GALNT13: variants seen among roughly 807,000 people sequenced by gnomAD.
GALNT13 encodes UDP-GalNAc:polypeptide N-acetylgalactosaminyltransferase 13.
In GALNT13, 28 loss-of-function variants were observed where a neutral mutation model predicts 64.2. The ratio of observed to expected loss-of-function variants is 0.44; its 90% CI spans 0.32 to 0.60. The LOEUF (loss-of-function observed/expected upper bound fraction) is 0.60. Ranked by LOEUF, GALNT13 falls within the 20% of genes least tolerant of loss-of-function variation. GALNT13 has a pLI of 0.05. For synonymous variants in GALNT13, 214 were observed against 224.6 expected (o/e 0.95, Z 0.42); for missense variants, 577 against 669.8 (o/e 0.86, Z 1.53).
chr2:153,821,469 A>G, the GALNT13 span, among the ~76,000 whole-genome samples: 3 of 152,208 alleles, frequency 2.0e-5, no homozygotes, highest in Non-Finnish European at 4.4e-5. Context: ...CATGCAAATT[A>G]AACTTCTCCT....
At chr2:154,262,045 A>G (rs1049473626) in intron 8 of GALNT13, among the ~76,000 whole-genome samples, 1 of 152,182 alleles carries the variant, frequency 6.6e-6, no homozygotes, top group Non-Finnish European at 1.5e-5. Context: ...TGAAAATTTT[A>G]TGAAAGCTGT....
chr2:153,647,784 G>A, the GALNT13 span, among the ~76,000 whole-genome samples: 2 of 152,108 alleles, frequency 1.3e-5, no homozygotes, highest in East Asian at 3.9e-4. Context: ...GTAGATGTGT[G>A]TTATTATTTC....
intron 4 of GALNT13, among the ~76,000 whole-genome samples, chr2:154,142,047 C>T (rs1683285790): frequency 6.6e-6 from 1 of 152,042 alleles, no homozygotes; most frequent in Admixed American, 6.6e-5. Flanking sequence ...AGAAAATCTC[C>T]AGGTTTACAA....
intron 4 of GALNT13, among the ~76,000 whole-genome samples, chr2:154,160,252 C>T (rs1684655444): frequency 6.6e-6 from 1 of 152,114 alleles, no homozygotes; most frequent in African/African-American, 2.4e-5. Flanking sequence ...TTGTGAGAAG[C>T]ATTTTGGAGA....
At chr2:153,812,269 C>T in the GALNT13 span, among the ~76,000 whole-genome samples, 1 of 152,106 alleles carries the variant, frequency 6.6e-6, no homozygotes, top group Non-Finnish European at 1.5e-5. Context: ...GTGTATTTTG[C>T]TGTTTTTTAC....
intron 3 of GALNT13, among the ~76,000 whole-genome samples, chr2:154,056,958 A>G (rs971444750): frequency 5.3e-5 from 8 of 151,772 alleles, no homozygotes; most frequent in Non-Finnish European, 4.4e-5. Context: ...TTACTACCTA[A>G]AACTAAAGAA....
the GALNT13 span, among the ~76,000 whole-genome samples, chr2:153,166,785 G>A: frequency 6.6e-6 from 1 of 152,156 alleles, no homozygotes; most frequent in Non-Finnish European, 1.5e-5. Flanking sequence ...TGGCCTTCAG[G>A]GTTCAGGCAG....
the GALNT13 span, among the ~76,000 whole-genome samples, chr2:153,385,528 C>T: frequency 1.3e-5 from 2 of 151,790 alleles, no homozygotes; most frequent in African/African-American, 4.8e-5. Context: ...GGATGTCTAC[C>T]AGGGGCTGGG....
chr2:154,169,666 C>T (rs1311294320), intron 4 of GALNT13, among the ~76,000 whole-genome samples: 2 of 152,098 alleles, frequency 1.3e-5, no homozygotes, highest in African/African-American at 4.8e-5. Flanking sequence ...AGGCAGCTCT[C>T]TTCAATTTAG....
chr2:153,178,133 A>T, the GALNT13 span, among the ~76,000 whole-genome samples: 1 of 152,196 alleles, frequency 6.6e-6, no homozygotes, highest in African/African-American at 2.4e-5. Context: ...TTGGTTCCAT[A>T]ACTTGGCTAT....
chr2:153,107,294 T>G, the GALNT13 span, among the ~76,000 whole-genome samples: 1 of 152,140 alleles, frequency 6.6e-6, no homozygotes, highest in African/African-American at 2.4e-5. Context: ...TCAATTGTGG[T>G]CCCATCCAGA....
In GALNT13 at chr2:153,876,202, TACACACACAC is replaced by T. The variant is rs56256669; in HGVS notation, c.-177+3923_-177+3932del. ...ATTTCTAACAGCAACCCCCCCACAC[TACACACACAC>T]ACACACACACACACACACACACATA... On this transcript the variant is annotated intron_variant, in intron 1 of 12. Transcript: ENST00000392825. Among the ~76,000 whole-genome samples, 1,361 of 148,742 alleles carry T rather than the reference TACACACACAC, an allele frequency of 9.2e-3. 17 individuals are homozygous for T. The highest frequency in any genetic ancestry group is 0.03 in the African/African-American group (1,218 of 40,490).
At chr2:153,369,182 A>C in the GALNT13 span, among the ~76,000 whole-genome samples, 1 of 152,122 alleles carries the variant, frequency 6.6e-6, no homozygotes, top group Non-Finnish European at 1.5e-5. Context: ...TCTTAGAAAA[A>C]ACAAGTATGG....
the GALNT13 span, among the ~76,000 whole-genome samples, chr2:153,284,794 T>A: frequency 6.6e-6 from 1 of 152,120 alleles, no homozygotes; most frequent in Non-Finnish European, 1.5e-5. Context: ...AGATTCCTGC[T>A]TTCCTTCTTA....
chr2:154,026,484 G>A (rs1409837313), intron 3 of GALNT13, among the ~76,000 whole-genome samples: 1 of 152,148 alleles, frequency 6.6e-6, no homozygotes, highest in South Asian at 2.1e-4. Context: ...AGACTGGGTG[G>A]TATAAACAAC....
chr2:154,431,521 T>G (rs1211546532), intron 11 of GALNT13, among the ~76,000 whole-genome samples: 1 of 152,234 alleles, frequency 6.6e-6, no homozygotes, highest in East Asian at 1.9e-4. Context: ...ACAGAAGTCC[T>G]TGAAATTATT....
chr2:153,133,291 G>C, the GALNT13 span, among the ~76,000 whole-genome samples: 1 of 152,052 alleles, frequency 6.6e-6, no homozygotes, highest in Admixed American at 6.6e-5. Flanking sequence ...AGTGCTATGA[G>C]ACAGCCAAGT....
the GALNT13 span, among the ~76,000 whole-genome samples, chr2:153,364,936 C>CA: frequency 6.6e-6 from 1 of 152,116 alleles, no homozygotes; most frequent in South Asian, 2.1e-4. Context: ...GGAGCCAAGA[C>CA]AAGCCTAAGG....
intron 11 of GALNT13, among the ~76,000 whole-genome samples, chr2:154,425,967 C>G (rs1389277366): frequency 1.3e-5 from 2 of 152,104 alleles, no homozygotes; most frequent in African/African-American, 4.8e-5. Context: ...TCTATTGTTT[C>G]ATAACAAATT....
Sources: allele counts gnomAD v4.1 joint callset (sites outside exome capture counted in the v4.1 genomes callset), GRCh38; gene constraint gnomAD v4.1.1; transcripts MANE v1.5; gene names NCBI Gene and HGNC (gene_info 2026-07-23, HGNC 2026-07-21).